The following UBE2O variants were observed in gnomAD, a reference collection of about 807,000 sequenced individuals.
UBE2O encodes ubiquitin conjugating enzyme E2 O.
Under a neutral mutation model 125.8 loss-of-function variants are expected in UBE2O, and 15 were observed. That is an observed-to-expected ratio of 0.12 (90% CI 0.08 to 0.18). The LOEUF (loss-of-function observed/expected upper bound fraction) is 0.18, where lower values mean the gene tolerates loss of function less well. Among genes scored for constraint, UBE2O ranks in the 10% least tolerant of loss-of-function variants. UBE2O has a pLI of 1.00. For synonymous variants in UBE2O, 708 were observed against 703.2 expected, an observed-to-expected ratio of 1.01 and a Z score of -0.11; for missense variants, 1,280 against 1,723.6, an observed-to-expected ratio of 0.74 and a Z score of 4.56.
At chr17:76,413,773 C>G (rs146433330) in intron 1 of UBE2O, among the ~76,000 whole-genome samples, 84 of 152,216 alleles carry the variant, frequency 5.5e-4, no homozygotes, top group African/African-American at 2.0e-3. Flanking sequence ...TGCAAACCAA[C>G]ACAAAACCCA....
chr17:76,422,285 G>A (rs1054370479), intron 1 of UBE2O, among the ~76,000 whole-genome samples: 2 of 152,294 alleles, frequency 1.3e-5, no homozygotes, highest in Non-Finnish European at 1.5e-5. Context: ...CACGGGGAGA[G>A]GGCATGGGCA....
In UBE2O at chr17:76,399,498, G is replaced by A; in HGVS notation, c.1579C>T (p.His527Tyr). 6.2e-7 allele frequency: 1 copy of A among 1,614,180 alleles called. No homozygotes were observed. Among genetic ancestry groups the A allele is most frequent in the Non-Finnish European group, 8.5e-7 (1 of 1,180,038 alleles). Residue 527 changes from histidine to tyrosine, a missense_variant, in exon 9 of 18, where the codon CAC becomes TAC. Physicochemically the swap from His to Tyr is moderately conservative, Grantham distance 83. This residue lies in a region of UBE2O where 145 missense variants were observed against 219.6 expected (regional missense o/e 0.66). Transcript: ENST00000319380. The surrounding 1 kb of genome is among the most constrained non-coding windows in gnomAD (Gnocchi z 6.9). ...GTGATTTTATTCTTCTTCCTCTTGT[G>A]TTTGCGCTTTAAGTTCTTGATGGAC... Reference protein sequence around the residue: ...PLSIKNLKRKHKRKKNKITRD... With the variant: ...PLSIKNLKRKYKRKKNKITRD...
rs894698956 is a variant in UBE2O, at chr17:76,404,760, A to G, written c.588+446T>C. 6.6e-6 allele frequency among the ~76,000 whole-genome samples: 1 copy of G among 152,050 alleles called. No homozygotes were observed. The highest frequency in any genetic ancestry group is 2.4e-5 in the African/African-American group (1 of 41,398). On this transcript the variant is annotated intron_variant, in intron 3 of 17. Transcript: ENST00000319380. The surrounding 1 kb of genome is among the most constrained non-coding windows in gnomAD (Gnocchi z 4.3). ...TGCTGTCAAATGTTTTGGGAAGAAA[A>G]AAGACCGGAGGGGGATCTCGGGGAA...
At chr17:76,425,890 G>A (rs1347926455) in intron 1 of UBE2O, among the ~76,000 whole-genome samples, 6 of 152,058 alleles carry the variant, frequency 3.9e-5, no homozygotes, top group African/African-American at 1.2e-4. Context: ...TTCCTCTGCC[G>A]CTCACCTGTG....
chr17:76,452,583 T>C lies in UBE2O; in HGVS notation c.417+142A>G, dbSNP rs550624420. On this transcript the variant is annotated intron_variant, in intron 1 of 17. Coordinates refer to ENST00000319380, the MANE Select transcript of UBE2O (RefSeq NM_022066.4). This position sits in a 1 kb window ranked among gnomAD's most constrained non-coding sequence, Gnocchi z 4.4. ...TGCTGCAATGACTTTGCATGGAGTG[T>C]ACCCTCCACTGGGGCTGTCCTCCCG... is the stretch of plus-strand genomic sequence containing the variant. 1 of 745,678 alleles carries C rather than the reference T, an allele frequency of 1.3e-6. No homozygotes were observed. The highest frequency in any genetic ancestry group is 3.6e-5 in the East Asian group (1 of 27,806). 46.2% of individuals were successfully genotyped at this position (745,678 alleles called of 1,614,324 possible).
chr17:76,399,728 G>A lies in UBE2O; in HGVS notation c.1349C>T (p.Ala450Val). The part of the protein sequence containing the change: ...ASPVEMQDEG[A>V]EEPHEAGEQL... ...CTCTCCTGCCTCGTGGGGCTCCTCT[G>A]CACCCTCGTCCTGCATCTCCACTGG... is the stretch of plus-strand genomic sequence containing the variant. Residue 450 changes from alanine (A) to valine (V), a missense_variant, in exon 9 of 18, where the codon GCA (alanine) becomes GTA (valine). Transcript: ENST00000319380. This position sits in a 1 kb window ranked among gnomAD's most constrained non-coding sequence, Gnocchi z 6.9. 1 of 1,614,166 alleles carries A rather than the reference G, an allele frequency of 6.2e-7. No homozygotes were observed. Among genetic ancestry groups the A allele is most frequent in the Non-Finnish European group, 8.5e-7 (1 of 1,180,040 alleles).
chr17:76,430,286 T>G (rs758240723), intron 1 of UBE2O: 1 of 152,564 alleles, frequency 6.6e-6, no homozygotes, highest in Non-Finnish European at 1.5e-5. Context: ...CTAGGGGAAG[T>G]AGATTTAAAT....
rs1231663108 is a variant in UBE2O at position 76,396,081 on chromosome 17, C to T, written c.2809+47G>A. On this transcript the variant is annotated intron_variant, in intron 14 of 17. Transcript: ENST00000319380. This position sits in a 1 kb window ranked among gnomAD's most constrained non-coding sequence, Gnocchi z 6.7. The stretch of plus-strand genomic sequence containing the variant: ...CCAGATCTGGTGACACAAACAGGAG[C>T]CCCGAGAAGGCGGGGGAAGGCGAAG... 2 of 1,590,350 alleles carry T rather than the reference C, an allele frequency of 1.3e-6. No homozygotes were observed. The highest frequency in any genetic ancestry group is 8.6e-7 in the Non-Finnish European group (1 of 1,165,452).
chr17:76,447,779 C>T (rs1391731596), intron 1 of UBE2O, among the ~76,000 whole-genome samples: 1 of 152,154 alleles, frequency 6.6e-6, no homozygotes, highest in Non-Finnish European at 1.5e-5. Flanking sequence ...CCCCACAACC[C>T]GCCTCGTGCA....
chr17:76,441,450 T>A (rs1193558787), intron 1 of UBE2O, among the ~76,000 whole-genome samples: 1 of 152,152 alleles, frequency 6.6e-6, no homozygotes, highest in African/African-American at 2.4e-5. Context: ...TTCCTGCCCC[T>A]CCTGCAGCCC....
At chr17:76,449,636 C>T (rs1182105097) in intron 1 of UBE2O, among the ~76,000 whole-genome samples, 7 of 151,584 alleles carry the variant, frequency 4.6e-5, no homozygotes, top group Non-Finnish European at 8.8e-5. Flanking sequence ...AAATAAGTTT[C>T]GGGCGGGTGC....
In UBE2O at chr17:76,390,871, G is replaced by A; in HGVS notation, c.*72C>T. The A allele has an allele frequency of 6.8e-7, 1 of 1,467,512 alleles. No homozygotes were observed. The highest frequency in any genetic ancestry group is 9.2e-7 in the Non-Finnish European group (1 of 1,091,368). 90.9% of individuals were successfully genotyped at this position (1,467,512 alleles called of 1,614,324 possible). Reference sequence around the variant, plus strand: ...GACAGAGGGGCATGGGAAGAGGGGTGATTCCGGGGGGGAGTGAGCAGGCGG... The same window carrying A: ...GACAGAGGGGCATGGGAAGAGGGGTAATTCCGGGGGGGAGTGAGCAGGCGG... On this transcript the variant is annotated 3_prime_UTR_variant, in exon 18 of 18. Transcript: ENST00000319380.
At chr17:76,433,665 T>C (rs61392902) in intron 1 of UBE2O, among the ~76,000 whole-genome samples, 1 of 151,098 alleles carries the variant, frequency 6.6e-6, no homozygotes, top group Non-Finnish European at 1.5e-5. Flanking sequence ...GGAGTGAGTA[T>C]TGCGCCACTG....
At chr17:76,432,487 C>T (rs78462274) in intron 1 of UBE2O, among the ~76,000 whole-genome samples, 7,533 of 152,224 alleles carry the variant, frequency 0.049, 259 homozygotes, top group Non-Finnish European at 0.073. Context: ...CTTTCTCATC[C>T]TAGGATGCTT....
chr17:76,411,585 A>G, intron 1 of UBE2O, among the ~76,000 whole-genome samples: 1 of 152,266 alleles, frequency 6.6e-6, no homozygotes. Context: ...GTCAGACACC[A>G]GGGAAGGCCA....
chr17:76,422,471 T>C (rs959555060), intron 1 of UBE2O, among the ~76,000 whole-genome samples: 5 of 152,184 alleles, frequency 3.3e-5, no homozygotes, highest in Non-Finnish European at 7.3e-5. Context: ...CCCTCGCCCA[T>C]TCAGCAAACT....
In UBE2O at chr17:76,396,219, G is replaced by A; in HGVS notation, c.2718C>T (p.Thr906=). 1 of 1,614,156 alleles carries A rather than the reference G, an allele frequency of 6.2e-7. No individual in the cohort carries two copies. Among genetic ancestry groups the A allele is most frequent in the Non-Finnish European group, 8.5e-7 (1 of 1,180,048 alleles). ...CGCCACACTGCTGGCACAGCACCGG[G>A]GTTTCGCTGGGCCACTCAGCCTTCA... ...SPVKAEWPSE[T]PVLCQQCGGK... The change falls in exon 14 of 18, where the codon ACC becomes ACT. Residue 906 remains threonine (T), a synonymous_variant. Coordinates refer to ENST00000319380, the MANE Select transcript of UBE2O (RefSeq NM_022066.4). This position sits in a 1 kb window ranked among gnomAD's most constrained non-coding sequence, Gnocchi z 6.7.
chr17:76,423,499 C>G (rs957231853), intron 1 of UBE2O, among the ~76,000 whole-genome samples: 1 of 152,066 alleles, frequency 6.6e-6, no homozygotes, highest in Non-Finnish European at 1.5e-5. Flanking sequence ...CAAGACCATC[C>G]TGGCTAACAT....
chr17:76,405,780 T>C lies in UBE2O; in HGVS notation c.418-208A>G, dbSNP rs2072406635. Among the ~76,000 whole-genome samples the C allele has an allele frequency of 6.6e-6, 1 of 152,168 alleles. No individual in the cohort carries two copies. Among genetic ancestry groups the C allele is most frequent in the African/African-American group, 2.4e-5 (1 of 41,442 alleles). On this transcript the variant is annotated intron_variant, in intron 1 of 17. Coordinates refer to ENST00000319380, the MANE Select transcript of UBE2O (RefSeq NM_022066.4). This position sits in a 1 kb window ranked among gnomAD's most constrained non-coding sequence, Gnocchi z 6.1. ...GAGCGCGTCACGCCCACAGGCCTCC[T>C]GGGGCCCCTGTGGTCACTGTCTCAC...
Sources: gnomAD v4.1 joint callset for allele counts (sites outside exome capture counted in the v4.1 genomes callset) on GRCh38, gnomAD v4.1.1 for gene constraint, gnomAD v4.1.1 regional missense constraint, Gnocchi (gnomAD v3.1) non-coding constraint, MANE v1.5 for transcripts, NCBI Gene and HGNC (gene_info 2026-07-23, HGNC 2026-07-21) for gene names.